Variants in TNIK observed in about 807,000 individuals in gnomAD.
TNIK encodes the protein TRAF2 and NCK-interacting protein kinase.
TNIK carries 49 observed loss-of-function variants against 191.3 expected under a neutral mutation model. The observed-to-expected ratio is 0.26, with a 90% CI of 0.20 to 0.32. TNIK has a LOEUF of 0.32. Among genes scored for constraint, TNIK ranks in the 10% least tolerant of loss-of-function variants. The pLI is 1.00. For missense variants in TNIK, 1,155 were observed against 1,702.3 expected (o/e 0.68, Z 5.66); for synonymous variants, 594 against 600.9 (o/e 0.99, Z 0.17).
chr3:171,422,857 C>A (rs1039978456), intron 1 of TNIK, among the ~76,000 whole-genome samples: 1 of 152,206 alleles, frequency 6.6e-6, no homozygotes, highest in African/African-American at 2.4e-5. Flanking sequence ...ATCTTCAGAA[C>A]CCTGGGATCT....
chr3:171,140,344 G>T, intron 13 of TNIK, 55 bp downstream of exon 13: 3 of 1,421,246 alleles, frequency 2.1e-6, no homozygotes, highest in Non-Finnish European at 1.9e-6. Context: ...CCCAGAGAAG[G>T]CTGGTGCTGG....
intron 1 of TNIK, among the ~76,000 whole-genome samples, chr3:171,372,994 A>C (rs907787044): frequency 1.3e-5 from 2 of 152,180 alleles, no homozygotes; most frequent in Non-Finnish European, 2.9e-5. Flanking sequence ...ACACCTCAGT[A>C]CTGACCCTAG....
chr3:171,302,113 G>A (rs1752953396), intron 2 of TNIK, among the ~76,000 whole-genome samples: 1 of 152,124 alleles, frequency 6.6e-6, no homozygotes, highest in Non-Finnish European at 1.5e-5. Context: ...AGGGGTGGAG[G>A]GGAGTGGGGG....
At position 171,228,328 on chromosome 3, in the gene TNIK, T is replaced by C; in HGVS notation, c.124-107A>G. 8.9e-6 allele frequency: 10 copies of C among 1,118,750 alleles called. No homozygotes were observed. The South Asian group carries it at 1.3e-4, about 15-fold the overall frequency. The allele number at this position is 1,118,750 out of a possible 1,614,324, so 69.3% of individuals were successfully genotyped here. On this transcript the variant is annotated intron_variant, in intron 2 of 32. Coordinates refer to ENST00000436636, the MANE Select transcript of TNIK (RefSeq NM_015028.4). ...TTGGATCAGTGCTGTACTATGTCAA[T>C]GGGGGGAGAGAGAAAGACAGACACA...
rs148345502 is a variant in TNIK, at chr3:171,440,275, GGTGA to G, written c.57+19728_57+19731del. ...TTCCTTCCCTCGCCATCATAGTAAT[GGTGA>G]GTAACAGTAACAGTAAACATAGGAA... is the stretch of plus-strand genomic sequence containing the variant. On this transcript the variant is annotated intron_variant, in intron 1 of 32. Transcript: ENST00000436636. Among the ~76,000 whole-genome samples, 524 of 152,152 alleles carry G rather than the reference GGTGA, an allele frequency of 3.4e-3. 5 individuals are homozygous for G. Among genetic ancestry groups the G allele is most frequent in the African/African-American group, 0.012 (500 of 41,490 alleles).
chr3:171,220,459 TGAG>T (rs1420768819), intron 3 of TNIK, among the ~76,000 whole-genome samples: 1 of 152,140 alleles, frequency 6.6e-6, no homozygotes, highest in Admixed American at 6.6e-5. Context: ...AAAATACTGA[TGAG>T]GAAGTCAAAT....
intron 32 of TNIK, 25 bp from the exon 33 acceptor site, chr3:171,063,989 G>C: frequency 6.2e-7 from 1 of 1,606,582 alleles, no homozygotes; most frequent in Non-Finnish European, 8.5e-7. Flanking sequence ...AAAGAAGTTA[G>C]TTCAACTGCA....
rs769429612 is a variant in TNIK, at chr3:171,157,637, C to G, written c.1044G>C (p.Ser348=). ...GCCTCAGAAAGTCCCTCCGCAGCGT[C>G]GACTCCCCTGGCAGATTCAGGATGG... ...PSSILNLPGE[S]TLRRDFLRLQ... is the part of the protein sequence containing the mutation. The change falls in exon 12 of 33, where the codon TCG becomes TCC. Residue 348 remains serine (S), a synonymous_variant. Transcript: ENST00000436636. 6.4e-7 allele frequency: 1 copy of G among 1,555,748 alleles called. No homozygotes were observed. Among genetic ancestry groups the G allele is most frequent in the Non-Finnish European group, 8.7e-7 (1 of 1,149,580 alleles).
At chr3:171,262,597 G>A (rs987336433) in intron 2 of TNIK, among the ~76,000 whole-genome samples, 2 of 152,202 alleles carry the variant, frequency 1.3e-5, no homozygotes, top group Non-Finnish European at 2.9e-5. Context: ...CTCAAGAGGA[G>A]TGGCATTTGC....
intron 20 of TNIK, 60 bp downstream of exon 20, chr3:171,108,005 A>G: frequency 6.6e-7 from 1 of 1,523,302 alleles, no homozygotes. Flanking sequence ...CCAACTACTT[A>G]ATCCTGTGGG....
chr3:171,068,772 CTA>C, intron 30 of TNIK, 74 bp downstream of exon 30: 1 of 1,443,758 alleles, frequency 6.9e-7, no homozygotes, highest in Non-Finnish European at 9.2e-7. Flanking sequence ...TCTACTAAAA[CTA>C]TGCAAAACAA....
intron 23 of TNIK, 42 bp from the exon 24 acceptor site, chr3:171,087,548 A>G (rs1281982745): frequency 5.0e-6 from 8 of 1,600,228 alleles, no homozygotes; most frequent in African/African-American, 1.3e-5. Flanking sequence ...AGAGGGGGGA[A>G]AAAGGCCACA....
chr3:171,165,658 C>T (rs1157066863), intron 10 of TNIK, among the ~76,000 whole-genome samples: 1 of 152,154 alleles, frequency 6.6e-6, no homozygotes, highest in Non-Finnish European at 1.5e-5. Flanking sequence ...CCGCTACTGC[C>T]TCTGAACTGA....
intron 30 of TNIK, among the ~76,000 whole-genome samples, chr3:171,067,621 G>A (rs1293116039): frequency 2.0e-5 from 3 of 148,452 alleles, no homozygotes; most frequent in Non-Finnish European, 4.4e-5. Context: ...GCAGTGAGCC[G>A]AGATCACGCC....
chr3:171,236,006 C>T (rs188614769), intron 2 of TNIK, among the ~76,000 whole-genome samples: 44 of 152,198 alleles, frequency 2.9e-4, no homozygotes, highest in African/African-American at 9.9e-4. Flanking sequence ...TGCCCTAAGT[C>T]CCTAATGCCC....
chr3:171,342,464 C>G (rs1157588058), intron 2 of TNIK, among the ~76,000 whole-genome samples: 1 of 152,098 alleles, frequency 6.6e-6, no homozygotes, highest in Non-Finnish European at 1.5e-5. Context: ...AATCATCACT[C>G]TCAAGCACCT....
At chr3:171,397,727 GTATAT>G (rs1720435299) in intron 1 of TNIK, among the ~76,000 whole-genome samples, 1 of 152,170 alleles carries the variant, frequency 6.6e-6, no homozygotes, top group African/African-American at 2.4e-5. Flanking sequence ...ACAGAGGCTT[GTATAT>G]TATAATTTCC....
chr3:171,200,699 C>G (rs993524407), intron 4 of TNIK, among the ~76,000 whole-genome samples: 5 of 152,176 alleles, frequency 3.3e-5, no homozygotes, highest in Admixed American at 1.3e-4. Context: ...ATGGAATCAC[C>G]AGATGTGGTG....
At chr3:171,122,188 C>G (rs573682533) in intron 18 of TNIK, among the ~76,000 whole-genome samples, 3 of 152,156 alleles carry the variant, frequency 2.0e-5, no homozygotes, top group Non-Finnish European at 2.9e-5. Flanking sequence ...AGGAAAAATA[C>G]TTAAAGTTGA....
Sources: gnomAD v4.1 joint callset for allele counts (sites outside exome capture counted in the v4.1 genomes callset) on GRCh38, gnomAD v4.1.1 for gene constraint, MANE v1.5 for transcripts, NCBI Gene and HGNC (gene_info 2026-07-23, HGNC 2026-07-21) for gene names.